The following BCAS3 variants were observed in gnomAD, a reference collection of about 807,000 sequenced individuals.
The protein encoded by BCAS3 is BCAS4/BCAS3 fusion.
Under a neutral mutation model 116.1 loss-of-function variants are expected in BCAS3, and 53 were observed. That is an observed-to-expected ratio of 0.46 (90% confidence interval 0.37 to 0.57). The LOEUF is 0.57. Ranked by LOEUF, BCAS3 falls within the 20% of genes least tolerant of loss-of-function variation. The pLI, the probability that BCAS3 is intolerant of heterozygous loss-of-function variation, is 0.00. For missense variants in BCAS3, 917 were observed against 1,165.4 expected (o/e 0.79, Z 3.10); for synonymous variants, 391 against 408.2 (o/e 0.96, Z 0.51).
chr17:61,290,173 A>C (rs2052247409), intron 22 of BCAS3, among the ~76,000 whole-genome samples: 1 of 152,204 alleles, frequency 6.6e-6, no homozygotes, highest in African/African-American at 2.4e-5. Context: ...TATCTCCTTC[A>C]TCTGACTTTA....
Position 60,960,139 on chromosome 17 carries a change from G to C in BCAS3, c.1221+12787G>C, listed in dbSNP as rs934125015. Among the ~76,000 whole-genome samples the C allele has an allele frequency of 6.6e-6, 1 of 152,070 alleles. No homozygotes were observed. Among genetic ancestry groups the C allele is most frequent in the Non-Finnish European group, 1.5e-5 (1 of 68,020 alleles). ...TTTGGGGGCTATAATTCACTTCTCT[G>C]TATTCTATCCTCTGCCTCCCAGAAT... On this transcript the variant is annotated intron_variant, in intron 14 of 23. Coordinates refer to ENST00000407086, the MANE Select transcript of BCAS3 (RefSeq NM_017679.5). This position sits in a 1 kb window ranked among gnomAD's most constrained non-coding sequence, Gnocchi z 4.1.
chr17:60,861,933 A>G (rs1290512401), intron 7 of BCAS3, among the ~76,000 whole-genome samples: 2 of 152,126 alleles, frequency 1.3e-5, no homozygotes, highest in Admixed American at 1.3e-4. Flanking sequence ...CATCAGGGAT[A>G]TTGGCCTGAA....
rs2081037064 is a variant in BCAS3 at position 61,204,869 on chromosome 17, G to A, written c.2425+120305G>A. Among the ~76,000 whole-genome samples, 1 of 152,056 alleles carries A rather than the reference G, an allele frequency of 6.6e-6. No individual in the cohort carries two copies. Among genetic ancestry groups the A allele is most frequent in the Non-Finnish European group, 1.5e-5 (1 of 68,022 alleles). On this transcript the variant is annotated intron_variant, in intron 22 of 23. Coordinates refer to ENST00000407086, the MANE Select transcript of BCAS3 (RefSeq NM_017679.5). The surrounding 1 kb of genome is among the most constrained non-coding windows in gnomAD (Gnocchi z 4.2). ...GAGTTCGAGACCAGCCTGGGCAACA[G>A]GGCAAAACACCTTCTCAACAAAAAA...
intron 6 of BCAS3, among the ~76,000 whole-genome samples, chr17:60,794,154 A>C (rs545572587): frequency 2.0e-5 from 3 of 152,294 alleles, no homozygotes; most frequent in African/African-American, 7.2e-5. Context: ...TTCCCTGATC[A>C]TTAGTGGTAT....
At chr17:61,079,726 G>A (rs1364011067) in intron 21 of BCAS3, among the ~76,000 whole-genome samples, 1 of 151,880 alleles carries the variant, frequency 6.6e-6, no homozygotes, top group African/African-American at 2.4e-5. Flanking sequence ...CTCTTGAGTA[G>A]CTGGGATGAC....
intron 16 of BCAS3, among the ~76,000 whole-genome samples, chr17:61,025,135 C>A (rs1295744806): frequency 6.6e-6 from 1 of 152,022 alleles, no homozygotes; most frequent in African/African-American, 2.4e-5. Context: ...CATTTCAGAA[C>A]GGGCTCACTA....
intron 19 of BCAS3, among the ~76,000 whole-genome samples, chr17:61,074,069 A>G (rs1453988839): frequency 6.6e-6 from 1 of 150,494 alleles, no homozygotes; most frequent in Non-Finnish European, 1.5e-5. Flanking sequence ...TGATCATGCC[A>G]CTGTAATCCA....
chr17:61,241,680 G>C lies in BCAS3; in HGVS notation c.2426-126647G>C, dbSNP rs1165053647. Among the ~76,000 whole-genome samples the C allele has an allele frequency of 6.6e-6, 1 of 151,952 alleles. No homozygotes were observed. The highest frequency in any genetic ancestry group is 6.6e-5 in the Admixed American group (1 of 15,252). ...CTTGCAGTGAGCCGAGATCGTGCCA[G>C]TGCACTCCAGCCTGGGCAACAGAGG... On this transcript the variant is annotated intron_variant, in intron 22 of 23. Transcript: ENST00000407086. The surrounding 1 kb of genome is among the most constrained non-coding windows in gnomAD (Gnocchi z 4.6).
chr17:60,880,786 T>C (rs1225616496), intron 9 of BCAS3, among the ~76,000 whole-genome samples: 1 of 152,218 alleles, frequency 6.6e-6, no homozygotes, highest in Admixed American at 6.5e-5. Flanking sequence ...ACACTGACCA[T>C]TTTTAATGTG....
rs141420835 is a variant in BCAS3 at position 61,364,638 on chromosome 17, G to A, written c.2426-3689G>A. ...TGGAAGGATCTCTTCAGCCCAGGAG[G>A]CTGTGGCTGCAGTGAGCCGTGATTG... On this transcript the variant is annotated intron_variant, in intron 22 of 23. Coordinates refer to ENST00000407086, the MANE Select transcript of BCAS3 (RefSeq NM_017679.5). This position sits in a 1 kb window ranked among gnomAD's most constrained non-coding sequence, Gnocchi z 5.4. 8.5e-4 allele frequency among the ~76,000 whole-genome samples: 130 copies of A among 152,320 alleles called. No individual in the cohort carries two copies. The highest frequency in any genetic ancestry group is 1.7e-3 in the Non-Finnish European group (116 of 68,024).
chr17:61,164,022 A>C (rs1370836211), intron 22 of BCAS3, among the ~76,000 whole-genome samples: 1 of 150,354 alleles, frequency 6.7e-6, no homozygotes, highest in Non-Finnish European at 1.5e-5. Context: ...AAAAAAAAAA[A>C]ACCTCAAATA....
intron 22 of BCAS3, among the ~76,000 whole-genome samples, chr17:61,100,000 T>G (rs2074223064): frequency 6.6e-6 from 1 of 152,260 alleles, no homozygotes; most frequent in Non-Finnish European, 1.5e-5. Flanking sequence ...AGAAACATGG[T>G]AGAATTGACT....
intron 5 of BCAS3, among the ~76,000 whole-genome samples, chr17:60,736,073 C>T (rs1461613074): frequency 2.7e-5 from 4 of 148,162 alleles, no homozygotes; most frequent in South Asian, 2.1e-4. Context: ...GGTCTCACTT[C>T]GTCACCCAGG....
chr17:61,127,591 G>T (rs187462699), intron 22 of BCAS3, among the ~76,000 whole-genome samples: 2 of 150,870 alleles, frequency 1.3e-5, no homozygotes, highest in East Asian at 1.9e-4. Flanking sequence ...ACAGTACAAG[G>T]TTTAGAACAT....
intron 6 of BCAS3, among the ~76,000 whole-genome samples, chr17:60,757,205 A>G (rs1488286826): frequency 6.6e-6 from 1 of 151,470 alleles, no homozygotes; most frequent in Non-Finnish European, 1.5e-5. Flanking sequence ...AAAATTAGCC[A>G]CTTGGGGGGC....
rs1316926868 is a variant in BCAS3 at position 61,131,477 on chromosome 17, T to G, written c.2425+46913T>G. On this transcript the variant is annotated intron_variant, in intron 22 of 23. Transcript: ENST00000407086. The surrounding 1 kb of genome is among the most constrained non-coding windows in gnomAD (Gnocchi z 4.4). ...TTCGTTAAATAAATTCATAATATATTTTATACGCTTAAAATGAAATTATAT... is the reference window on the plus strand; with the variant it reads ...TTCGTTAAATAAATTCATAATATATGTTATACGCTTAAAATGAAATTATAT... Among the ~76,000 whole-genome samples, 1 of 152,208 alleles carries G rather than the reference T, an allele frequency of 6.6e-6. No individual in the cohort carries two copies. The highest frequency in any genetic ancestry group is 1.5e-5 in the Non-Finnish European group (1 of 68,046).
intron 22 of BCAS3, among the ~76,000 whole-genome samples, chr17:61,133,934 G>A (rs1469339084): frequency 7.1e-6 from 1 of 141,650 alleles, no homozygotes; most frequent in East Asian, 2.2e-4. Context: ...TTTTAACAAA[G>A]TATTTTGCAA....
chr17:61,247,959 A>AT (rs1482956707), intron 22 of BCAS3, among the ~76,000 whole-genome samples: 1 of 152,242 alleles, frequency 6.6e-6, no homozygotes, highest in Non-Finnish European at 1.5e-5. Flanking sequence ...AACTTGCGGC[A>AT]TTGAAAGGCT....
intron 21 of BCAS3, among the ~76,000 whole-genome samples, chr17:61,080,624 G>A (rs2072502882): frequency 6.6e-6 from 1 of 152,070 alleles, no homozygotes; most frequent in African/African-American, 2.4e-5. Context: ...GCCGGGCATG[G>A]TGGTGCACAC....
Sources: gnomAD v4.1 joint callset for allele counts (sites outside exome capture counted in the v4.1 genomes callset) on GRCh38, gnomAD v4.1.1 for gene constraint, Gnocchi (gnomAD v3.1) non-coding constraint, MANE v1.5 for transcripts, NCBI Gene and HGNC (gene_info 2026-07-23, HGNC 2026-07-21) for gene names.